PCDHGA8: variants seen among roughly 807,000 people sequenced by gnomAD.
PCDHGA8 encodes protocadherin gamma-A8.
Under a neutral mutation model 59.2 loss-of-function variants are expected in PCDHGA8, and 45 were observed. The observed-to-expected ratio is 0.76, with a 90% CI of 0.60 to 0.98. PCDHGA8 has a LOEUF of 0.98. PCDHGA8 is among the 50% of genes least tolerant of loss of function. PCDHGA8 has a pLI of 0.00. For synonymous variants in PCDHGA8, 531 were observed against 519.0 expected, an observed-to-expected ratio of 1.02 and a Z score of -0.32; for missense variants, 1,257 against 1,196.2, an observed-to-expected ratio of 1.05 and a Z score of -0.75.
chr5:141,500,173 T>G (rs1666567886), intron 2 of PCDHGA8, among the ~76,000 whole-genome samples: 1 of 149,340 alleles, frequency 6.7e-6, no homozygotes, highest in East Asian at 1.9e-4. Context: ...ATGCATGAGC[T>G]TCATTTTTAT....
At chr5:141,403,225 C>T (rs2154532251) in intron 1 of PCDHGA8, 2 of 1,613,958 alleles carry the variant, frequency 1.2e-6, no homozygotes, top group Non-Finnish European at 1.7e-6. Flanking sequence ...GTAGGATAGA[C>T]CGGGAGGAGC....
At chr5:141,401,861 G>A (rs934405271) in intron 1 of PCDHGA8, among the ~76,000 whole-genome samples, 3 of 152,122 alleles carry the variant, frequency 2.0e-5, no homozygotes, top group African/African-American at 7.2e-5. Context: ...TAACCTTTCA[G>A]TAGTTTTCTT....
chr5:141,473,756 A>G (rs2099328139), intron 1 of PCDHGA8, among the ~76,000 whole-genome samples: 1 of 152,228 alleles, frequency 6.6e-6, no homozygotes, highest in African/African-American at 2.4e-5. Context: ...CTTGGATACT[A>G]TGCAAAGGAT....
In PCDHGA8 at chr5:141,477,088, C is replaced by G. The variant is rs1008530221; in HGVS notation, c.2425-17719C>G. On this transcript the variant is annotated intron_variant, in intron 1 of 3. Transcript: ENST00000398604. This position sits in a 1 kb window ranked among gnomAD's most constrained non-coding sequence, Gnocchi z 4.9. ...AACTCCATGAGATTTACATCCAGGC[C>G]AAAGACAAGGGCGCCAATCCCGAAG... The G allele has an allele frequency of 1.2e-6, 2 of 1,614,112 alleles. No individual in the cohort carries two copies. The highest frequency in any genetic ancestry group is 1.6e-4 in the Middle Eastern group (1 of 6,084).
chr5:141,491,232 G>C lies in PCDHGA8; in HGVS notation c.2425-3575G>C. The C allele has an allele frequency of 6.2e-7, 1 of 1,614,220 alleles. No individual in the cohort carries two copies. Among genetic ancestry groups the C allele is most frequent in the Non-Finnish European group, 8.5e-7 (1 of 1,180,034 alleles). On this transcript the variant is annotated intron_variant, in intron 1 of 3. Coordinates refer to ENST00000398604, the MANE Select transcript of PCDHGA8 (RefSeq NM_032088.2). The surrounding 1 kb of genome is among the most constrained non-coding windows in gnomAD (Gnocchi z 6.9). ...TCTCCTCCACAGCCACAGTGCTGCT[G>C]GTTCTGGAGGATGAGGACCCTGAGG... is the stretch of plus-strand genomic sequence containing the variant.
At position 141,392,873 on chromosome 5, in the gene PCDHGA8, G is replaced by C. The variant is rs1280602911; in HGVS notation, c.60G>C (p.Leu20=). The C allele has an allele frequency of 6.2e-7, 1 of 1,613,382 alleles. No homozygotes were observed. Among genetic ancestry groups the C allele is most frequent in the Admixed American group, 1.7e-5 (1 of 59,990 alleles). ...RGELILLCAL[L]GTLWEIGRGQ... The stretch of plus-strand genomic sequence containing the variant: ...AGCTGATCCTGCTGTGCGCGCTGCT[G>C]GGAACGCTGTGGGAAATCGGGAGGG... Residue 20 remains leucine (L), a synonymous_variant, in exon 1 of 4, where the codon CTG becomes CTC. Transcript: ENST00000398604.
intron 3 of PCDHGA8, among the ~76,000 whole-genome samples, chr5:141,508,954 C>A (rs2154594435): frequency 6.6e-6 from 1 of 152,170 alleles, no homozygotes; most frequent in Admixed American, 6.5e-5. Context: ...AGAGAAATGT[C>A]AGCGGAATGA....
At chr5:141,504,634 AG>A (rs2099839600) in intron 2 of PCDHGA8, among the ~76,000 whole-genome samples, 1 of 115,756 alleles carries the variant, frequency 8.6e-6, no homozygotes, top group Non-Finnish European at 1.7e-5. Context: ...ACCTTGGAAA[AG>A]GTTTGATGAT....
intron 1 of PCDHGA8, chr5:141,408,016 A>G (rs991619128): frequency 9.9e-7 from 1 of 1,014,516 alleles, no homozygotes; most frequent in Admixed American, 3.2e-5. Flanking sequence ...TGCGCAGCCA[A>G]CAACAGAAAG....
At chr5:141,510,335 AC>A (rs1247622083) in intron 3 of PCDHGA8, among the ~76,000 whole-genome samples, 1 of 149,138 alleles carries the variant, frequency 6.7e-6, no homozygotes, top group African/African-American at 2.5e-5. Context: ...CTTCACCCCC[AC>A]CCCACACACT....
At chr5:141,399,655 G>A in intron 1 of PCDHGA8, 2 of 1,613,730 alleles carry the variant, frequency 1.2e-6, no homozygotes, top group South Asian at 1.1e-5. Context: ...AAGTGGGGTG[G>A]TGTTCGCGCA....
At chr5:141,409,168 G>T in intron 1 of PCDHGA8, 1 of 1,614,032 alleles carries the variant, frequency 6.2e-7, no homozygotes, top group Non-Finnish European at 8.5e-7. Flanking sequence ...TGGAAGCGAA[G>T]GACGGAGGTG....
intron 1 of PCDHGA8, among the ~76,000 whole-genome samples, chr5:141,472,102 T>C (rs1231168102): frequency 6.6e-6 from 1 of 152,240 alleles, no homozygotes; most frequent in Non-Finnish European, 1.5e-5. Flanking sequence ...ATTCCCATTT[T>C]ATACATAAAG....
intron 1 of PCDHGA8, chr5:141,404,621 G>T: frequency 6.2e-7 from 1 of 1,614,174 alleles, no homozygotes; most frequent in South Asian, 1.1e-5. Context: ...GGACCAGAAT[G>T]ACAATGCCCC....
rs775705715 is a variant in PCDHGA8 at position 141,422,475 on chromosome 5, C to T, written c.2424+27238C>T. ...GCAGAGTGCTGGACAGGGAGTTGGT[C>T]CAGAGCTACAATATAACGTTGACAG... On this transcript the variant is annotated intron_variant, in intron 1 of 3. Coordinates refer to ENST00000398604, the MANE Select transcript of PCDHGA8 (RefSeq NM_032088.2). The T allele has an allele frequency of 7.4e-6, 12 of 1,613,672 alleles. No individual in the cohort carries two copies. The East Asian group carries it at 2.0e-4, about 27-fold the overall frequency.
chr5:141,445,708 G>A (rs2098475030), intron 1 of PCDHGA8, among the ~76,000 whole-genome samples: 1 of 152,168 alleles, frequency 6.6e-6, no homozygotes, highest in African/African-American at 2.4e-5. Flanking sequence ...AAATTGTCAG[G>A]CAGAGGAAAT....
chr5:141,421,429 G>A, intron 1 of PCDHGA8: 1 of 1,614,090 alleles, frequency 6.2e-7, no homozygotes, highest in Non-Finnish European at 8.5e-7. Context: ...AGTCCGCATC[G>A]TCTCCAGAGG....
intron 1 of PCDHGA8, 146 bp from the exon 2 acceptor site, chr5:141,494,661 G>C (rs2099755951): frequency 6.7e-7 from 1 of 1,492,856 alleles, no homozygotes; most frequent in African/African-American, 1.4e-5. Context: ...TTTGTCTTTG[G>C]AGATGAGTCC....
Position 141,393,569 on chromosome 5 carries a change from T to C in PCDHGA8, c.756T>C (p.Leu252=), listed in dbSNP as rs1227543853. Reference sequence around the variant, plus strand: ...ACCCGATTTACCGAGTGAAAGTCCTTGAGAACATGCCCCCAGGCACGCGGC... The same window carrying C: ...ACCCGATTTACCGAGTGAAAGTCCTCGAGAACATGCCCCCAGGCACGCGGC... ...FPHPIYRVKV[L]ENMPPGTRLL... Residue 252 remains leucine, a synonymous_variant, in exon 1 of 4, where the codon CTT becomes CTC. Coordinates refer to ENST00000398604, the MANE Select transcript of PCDHGA8 (RefSeq NM_032088.2). The C allele has an allele frequency of 6.2e-7, 1 of 1,613,918 alleles. No individual in the cohort carries two copies. Among genetic ancestry groups the C allele is most frequent in the South Asian group, 1.1e-5 (1 of 91,086 alleles).
Sources: gnomAD v4.1 joint callset for allele counts (sites outside exome capture counted in the v4.1 genomes callset) on GRCh38, gnomAD v4.1.1 for gene constraint, Gnocchi (gnomAD v3.1) non-coding constraint, MANE v1.5 for transcripts, NCBI Gene and HGNC (gene_info 2026-07-23, HGNC 2026-07-21) for gene names.